MYOM1: variants seen among roughly 807,000 people sequenced by gnomAD.
MYOM1 encodes the protein myomesin 1.
In MYOM1, 164 loss-of-function variants were observed where a neutral mutation model predicts 205.3. The ratio of observed to expected loss-of-function variants is 0.80; its 90% CI spans 0.70 to 0.91. MYOM1 has a LOEUF of 0.91. Among genes scored for constraint, MYOM1 ranks in the 40% least tolerant of loss-of-function variants. MYOM1 has a pLI of 0.00. For synonymous variants in MYOM1, 772 were observed against 789.4 expected (o/e 0.98, Z 0.37); for missense variants, 2,011 against 2,127.3 (o/e 0.95, Z 1.08).
intron 2 of MYOM1, among the ~76,000 whole-genome samples, chr18:3,196,942 C>G (rs2080996898): frequency 6.6e-6 from 1 of 152,200 alleles, no homozygotes; most frequent in African/African-American, 2.4e-5. Flanking sequence ...TTTATAGAAT[C>G]TCAGAGCTGA....
At chr18:3,145,578 AC>A (rs1318605427) in intron 13 of MYOM1, among the ~76,000 whole-genome samples, 5 of 152,180 alleles carry the variant, frequency 3.3e-5, no homozygotes, top group African/African-American at 9.6e-5. Flanking sequence ...AGTATTTTGC[AC>A]AAAATAAAAA....
At chr18:3,130,774 T>G (rs2079863887) in intron 17 of MYOM1, among the ~76,000 whole-genome samples, 1 of 152,208 alleles carries the variant, frequency 6.6e-6, no homozygotes, top group African/African-American at 2.4e-5. Context: ...TTATTTGTAT[T>G]GTTTCTAACC....
At chr18:3,221,450 T>G (rs185685191), upstream of MYOM1, among the ~76,000 whole-genome samples, 136 of 152,324 alleles carry the variant, frequency 8.9e-4, no homozygotes, top group African/African-American at 3.2e-3. Flanking sequence ...ATATACATGA[T>G]CCCACTGACT....
rs1391773525 is a variant in MYOM1, at chr18:3,135,879, G to A, written c.2026-149C>T. 9.3e-6 allele frequency: 8 copies of A among 862,438 alleles called. No homozygotes were observed. Among genetic ancestry groups the A allele is most frequent in the East Asian group, 2.7e-5 (1 of 37,476 alleles). The allele number at this position is 862,438 out of a possible 1,614,324, so 53.4% of individuals were successfully genotyped here. ...GAGAGATGAGGAGGAAATAGGGGAT[G>A]AGGCATCTGAAGTTCGTAGGATTCT... On this transcript the variant is annotated intron_variant, in intron 14 of 37. Transcript: ENST00000356443. The surrounding 1 kb of genome is among the most constrained non-coding windows in gnomAD (Gnocchi z 4.1).
chr18:3,091,842 CT>C (rs2079231377), intron 26 of MYOM1, among the ~76,000 whole-genome samples: 1 of 151,962 alleles, frequency 6.6e-6, no homozygotes, highest in Non-Finnish European at 1.5e-5. Flanking sequence ...AGTGATTCTG[CT>C]GCCTCAGCCT....
At chr18:3,171,644 T>C (rs1037366156) in intron 8 of MYOM1, among the ~76,000 whole-genome samples, 1 of 152,158 alleles carries the variant, frequency 6.6e-6, no homozygotes, top group African/African-American at 2.4e-5. Context: ...AAATCTAGGA[T>C]GTCTCTTGTT....
rs1259805986 is a variant in MYOM1 at position 3,154,650 on chromosome 18, C to CACAT, written c.1643+296_1643+297insATGT. On this transcript the variant is annotated intron_variant, in intron 11 of 37. Coordinates refer to ENST00000356443, the MANE Select transcript of MYOM1 (RefSeq NM_003803.4). Reference sequence around the variant, plus strand: ...ACACACACACACACACACACACACACATTTATAATGGGTATATATACCCAT... The same window carrying CACAT: ...ACACACACACACACACACACACACACACATATTTATAATGGGTATATATACCCAT... Among the ~76,000 whole-genome samples, 1,388 of 148,950 alleles carry CACAT rather than the reference C, an allele frequency of 9.3e-3. 15 individuals carry two copies. The highest frequency in any genetic ancestry group is 0.032 in the African/African-American group (1,318 of 40,754).
chr18:3,111,770 G>T (rs992938123), intron 22 of MYOM1, among the ~76,000 whole-genome samples: 4 of 152,154 alleles, frequency 2.6e-5, no homozygotes, highest in African/African-American at 9.7e-5. Flanking sequence ...TTTGTGTCAT[G>T]GCAGAGTTAA....
chr18:3,221,103 C>A (rs1019270713), upstream of MYOM1, among the ~76,000 whole-genome samples: 2 of 152,168 alleles, frequency 1.3e-5, no homozygotes, highest in African/African-American at 4.8e-5. Context: ...TCACTGCAAC[C>A]TCTGCCTCCC....
chr18:3,161,661 C>A lies in MYOM1; in HGVS notation c.1501+2617G>T, dbSNP rs112128249. Among the ~76,000 whole-genome samples the A allele has an allele frequency of 6.8e-3, 1,038 of 152,340 alleles. 7 individuals are homozygous for A. Among genetic ancestry groups the A allele is most frequent in the African/African-American group, 0.023 (976 of 41,576 alleles). On this transcript the variant is annotated intron_variant, in intron 10 of 37. Coordinates refer to ENST00000356443, the MANE Select transcript of MYOM1 (RefSeq NM_003803.4). ...GCATCTGGATCATACCCAACTTTCACATACAGGAGAGAAACAAATCTTTTG... is the reference window on the plus strand; with the variant it reads ...GCATCTGGATCATACCCAACTTTCAAATACAGGAGAGAAACAAATCTTTTG...
At chr18:3,094,437 GC>G in intron 25 of MYOM1, 131 bp from the exon 26 acceptor site, 1 of 939,980 alleles carries the variant, frequency 1.1e-6, no homozygotes, top group Non-Finnish European at 1.5e-6. Flanking sequence ...TTCTTGCAAA[GC>G]CCAGAGGCAG....
intron 5 of MYOM1, among the ~76,000 whole-genome samples, chr18:3,181,073 C>T (rs2080723261): frequency 6.6e-6 from 1 of 152,042 alleles, no homozygotes; most frequent in African/African-American, 2.4e-5. Flanking sequence ...ACTATAGGAG[C>T]GTGCCACCAC....
At chr18:3,164,494 T>C in intron 9 of MYOM1, 55 bp from the exon 10 acceptor site, 1 of 1,477,624 alleles carries the variant, frequency 6.8e-7, no homozygotes, top group Non-Finnish European at 9.1e-7. Flanking sequence ...ATAACTTCCT[T>C]CTTGTCTCCC....
At chr18:3,198,266 G>A (rs2081018279) in intron 2 of MYOM1, among the ~76,000 whole-genome samples, 5 of 152,246 alleles carry the variant, frequency 3.3e-5, no homozygotes, top group Admixed American at 2.0e-4. Flanking sequence ...CTATCAGCAC[G>A]TTTCAGAGAA....
In MYOM1 at chr18:3,179,905, C is replaced by T. The variant is rs993620188; in HGVS notation, c.930-3771G>A. Among the ~76,000 whole-genome samples, 4 of 152,188 alleles carry T rather than the reference C, an allele frequency of 2.6e-5. No individual in the cohort carries two copies. Among genetic ancestry groups the T allele is most frequent in the Non-Finnish European group, 5.9e-5 (4 of 68,036 alleles). On this transcript the variant is annotated intron_variant, in intron 5 of 37. Coordinates refer to ENST00000356443, the MANE Select transcript of MYOM1 (RefSeq NM_003803.4). The surrounding 1 kb of genome is among the most constrained non-coding windows in gnomAD (Gnocchi z 4.4). ...CCTAAGAAAAGCGCTGTGATACCAA[C>T]GGCTGTGACATGTGCTGTTTGACCA...
Position 3,112,312 on chromosome 18 carries a change from G to A in MYOM1, c.3404C>T (p.Ala1135Val), listed in dbSNP as rs1170863353. Residue 1135 changes from alanine (A) to valine (V), a missense_variant, in exon 22 of 38, where the codon GCA (alanine) becomes GTA (valine). Transcript: ENST00000356443. ...TGAAAGCCCACCTGGACGGGTCTCT[G>A]CCACAACAGGGCCAGCAAGGTCAGA... ...KPSDLAGPVV[A>V]ETRPGTKEVV... The A allele has an allele frequency of 9.9e-6, 16 of 1,613,026 alleles. No individual in the cohort carries two copies. The highest frequency in any genetic ancestry group is 1.6e-4 in the Middle Eastern group (1 of 6,074).
At chr18:3,134,128 G>A (rs567203990) in intron 16 of MYOM1, among the ~76,000 whole-genome samples, 40 of 152,026 alleles carry the variant, frequency 2.6e-4, no homozygotes, top group Non-Finnish European at 4.6e-4. Flanking sequence ...CAAGCAATCC[G>A]CCCACCTTGG....
At chr18:3,161,872 AT>A (rs975087885) in intron 10 of MYOM1, among the ~76,000 whole-genome samples, 3 of 152,130 alleles carry the variant, frequency 2.0e-5, no homozygotes, top group African/African-American at 7.2e-5. Context: ...GAATTCTAAC[AT>A]TTTTTGAGCC....
chr18:3,187,069 GT>G (rs2080828045), intron 5 of MYOM1, among the ~76,000 whole-genome samples: 1 of 152,118 alleles, frequency 6.6e-6, no homozygotes, highest in Admixed American at 6.5e-5. Context: ...GTTAAAGGGA[GT>G]TTTGTAAAAG....
Sources: gnomAD v4.1 joint callset for allele counts (sites outside exome capture counted in the v4.1 genomes callset) on GRCh38, gnomAD v4.1.1 for gene constraint, Gnocchi (gnomAD v3.1) non-coding constraint, MANE v1.5 for transcripts, NCBI Gene and HGNC (gene_info 2026-07-23, HGNC 2026-07-21) for gene names.